PFKFB3: variants seen among roughly 807,000 people sequenced by gnomAD.
PFKFB3 encodes the protein 6-phosphofructo-2-kinase/fructose-2,6-bisphosphatase 3.
Under a neutral mutation model 68.0 loss-of-function variants are expected in PFKFB3, and 33 were observed. That is an observed-to-expected ratio of 0.49 (90% confidence interval 0.37 to 0.65). The LOEUF (loss-of-function observed/expected upper bound fraction) is 0.65, where lower values mean the gene tolerates loss of function less well. Ranked by LOEUF, PFKFB3 falls within the 30% of genes least tolerant of loss-of-function variation. The pLI is 0.00. For missense variants in PFKFB3, 586 were observed against 712.2 expected (o/e 0.82, Z 2.02); for synonymous variants, 315 against 288.2 (o/e 1.09, Z -0.94).
chr10:6,225,375 C>T, intron 13 of PFKFB3: 1 of 373,440 alleles, frequency 2.7e-6, no homozygotes, highest in Non-Finnish European at 5.4e-6. Flanking sequence ...CCCTTGGCCG[C>T]CTTGGTCCCT....
the PFKFB3 span, among the ~76,000 whole-genome samples, chr10:6,271,121 C>T: frequency 4.6e-5 from 7 of 152,312 alleles, no homozygotes; most frequent in East Asian, 1.9e-4. Context: ...CCACTTCCCC[C>T]GTCTGGAACC....
chr10:6,282,152 T>C, the PFKFB3 span, among the ~76,000 whole-genome samples: 1 of 152,000 alleles, frequency 6.6e-6, no homozygotes, highest in South Asian at 2.1e-4. Context: ...ATCATGAAAA[T>C]GATCACAATG....
At chr10:6,267,546 C>T in the PFKFB3 span, among the ~76,000 whole-genome samples, 2 of 152,086 alleles carry the variant, frequency 1.3e-5, no homozygotes, top group Admixed American at 1.3e-4. Context: ...GGGCTGTTGG[C>T]GTTCTTACTT....
downstream of PFKFB3, among the ~76,000 whole-genome samples, chr10:6,238,220 A>C (rs61839409): frequency 8.2e-3 from 1,252 of 152,116 alleles, 8 homozygotes; most frequent in Non-Finnish European, 0.014. Context: ...GCTGGAGTGC[A>C]GTGGTACAAT....
At chr10:6,290,562 G>A in the PFKFB3 span, among the ~76,000 whole-genome samples, 3 of 149,088 alleles carry the variant, frequency 2.0e-5, no homozygotes, top group South Asian at 4.2e-4. Context: ...GCAGTGGTGC[G>A]ATCTCAGCTC....
the PFKFB3 span, among the ~76,000 whole-genome samples, chr10:6,263,349 C>A: frequency 1.3e-5 from 2 of 152,258 alleles, no homozygotes; most frequent in Admixed American, 6.5e-5. Flanking sequence ...GTGTTCCTTG[C>A]TCTCATTCTG....
the PFKFB3 span, among the ~76,000 whole-genome samples, chr10:6,288,592 C>T: frequency 1.3e-5 from 2 of 151,662 alleles, no homozygotes; most frequent in African/African-American, 4.9e-5. Flanking sequence ...TTTTCTTAAT[C>T]CAGTCTATCA....
intron 1 of PFKFB3, among the ~76,000 whole-genome samples, chr10:6,153,768 T>G (rs1342756852): frequency 6.6e-6 from 1 of 151,594 alleles, no homozygotes. Context: ...GGCAGGAGAA[T>G]TGCTTGAACC....
At chr10:6,248,521 C>T (rs139180589) in intron 14 of PFKFB3, among the ~76,000 whole-genome samples, 3,125 of 148,358 alleles carry the variant, frequency 0.021, 37 homozygotes, top group African/African-American at 0.027. Flanking sequence ...CCCAGCTACT[C>T]GGGAGGCTGA....
intron 1 of PFKFB3, chr10:6,146,320 T>C: frequency 6.6e-7 from 1 of 1,525,970 alleles, no homozygotes; most frequent in Non-Finnish European, 8.8e-7. Context: ...GGTATCAGCG[T>C]GGGCTCCTGG....
At chr10:6,226,464 C>T (rs1423398103) in intron 14 of PFKFB3, 99 bp downstream of exon 14, 17 of 1,176,768 alleles carry the variant, frequency 1.4e-5, no homozygotes, top group Admixed American at 4.8e-5. Context: ...AGAATACGTG[C>T]GTGGGTGCGT....
intron 1 of PFKFB3, among the ~76,000 whole-genome samples, chr10:6,194,906 T>C (rs557963383): frequency 2.0e-5 from 3 of 151,276 alleles, no homozygotes; most frequent in African/African-American, 7.3e-5. Flanking sequence ...TGAGTCTTGC[T>C]CTATCACCCA....
chr10:6,213,271 G>A (rs890770896), intron 1 of PFKFB3, among the ~76,000 whole-genome samples: 21 of 152,172 alleles, frequency 1.4e-4, no homozygotes, highest in African/African-American at 4.8e-4. Flanking sequence ...TGGTAGCTAT[G>A]CCTGTAATCC....
At chr10:6,280,519 A>G in the PFKFB3 span, among the ~76,000 whole-genome samples, 3 of 152,202 alleles carry the variant, frequency 2.0e-5, no homozygotes, top group Non-Finnish European at 2.9e-5. Flanking sequence ...TAGATCGTGT[A>G]ATGTCTTTTG....
At chr10:6,246,894 A>G (rs897239576) in intron 14 of PFKFB3, among the ~76,000 whole-genome samples, 1 of 152,150 alleles carries the variant, frequency 6.6e-6, no homozygotes, top group Non-Finnish European at 1.5e-5. Context: ...AAAAATGTCC[A>G]TTTTACAAGT....
chr10:6,279,200 T>A, the PFKFB3 span, among the ~76,000 whole-genome samples: 3 of 152,252 alleles, frequency 2.0e-5, no homozygotes, highest in Non-Finnish European at 2.9e-5. Context: ...TAGTCTATAT[T>A]CATGCATGGT....
At chr10:6,168,747 G>A (rs766468684) in intron 1 of PFKFB3, among the ~76,000 whole-genome samples, 12 of 152,218 alleles carry the variant, frequency 7.9e-5, no homozygotes, top group Non-Finnish European at 1.5e-4. Context: ...CAGGTGCCGA[G>A]TGTATTTGCA....
chr10:6,156,064 G>T (rs1010670968), intron 1 of PFKFB3, among the ~76,000 whole-genome samples: 2 of 151,832 alleles, frequency 1.3e-5, no homozygotes, highest in Non-Finnish European at 2.9e-5. Context: ...ATTCCATCCT[G>T]TGTGTCTGTG....
At chr10:6,307,203 G>A in the PFKFB3 span, among the ~76,000 whole-genome samples, 9 of 152,190 alleles carry the variant, frequency 5.9e-5, no homozygotes, top group East Asian at 9.7e-4. Context: ...GCTATCCTGG[G>A]TCTCTAGGCT....
Sources: allele counts gnomAD v4.1 joint callset (sites outside exome capture counted in the v4.1 genomes callset), GRCh38; gene constraint gnomAD v4.1.1; transcripts MANE v1.5; gene names NCBI Gene and HGNC (gene_info 2026-07-23, HGNC 2026-07-21).